FSTL5: variants seen among roughly 807,000 people sequenced by gnomAD.
The protein encoded by FSTL5 is follistatin-related protein 5.
A neutral mutation model predicts 89.1 loss-of-function variants in FSTL5; 62 were observed. The ratio of observed to expected loss-of-function variants is 0.70; its 90% CI spans 0.57 to 0.86. The LOEUF (loss-of-function observed/expected upper bound fraction) is 0.86. FSTL5 is among the 40% of genes least tolerant of loss of function. The pLI, the probability that FSTL5 is intolerant of heterozygous loss-of-function variation, is 0.00. For synonymous variants in FSTL5, 383 were observed against 346.2 expected, an observed-to-expected ratio of 1.11 and a Z score of -1.18; for missense variants, 1,057 against 1,001.6, an observed-to-expected ratio of 1.06 and a Z score of -0.75.
intron 2 of FSTL5, among the ~76,000 whole-genome samples, chr4:162,037,206 G>C (rs1015864626): frequency 1.3e-5 from 2 of 151,798 alleles, no homozygotes; most frequent in African/African-American, 4.8e-5. Context: ...ATAATTGGGG[G>C]CAAAATTTAG....
rs1404739297 is a variant in FSTL5 at position 161,386,005 on chromosome 4, T to C, written c.2286A>G (p.Thr762=). The C allele has an allele frequency of 6.2e-7, 1 of 1,614,072 alleles. No homozygotes were observed. The highest frequency in any genetic ancestry group is 8.5e-7 in the Non-Finnish European group (1 of 1,179,968). Residue 762 remains threonine, a synonymous_variant, in exon 16 of 16, where the codon ACA becomes ACG. Transcript: ENST00000306100. ...HQYNIYGSSS[T]QTDVLFVELS... ...GCTCCACAAAGAGCACATCAGTTTGTGTGCTTGAACTACCGTAGATGTTAT... is the reference window on the plus strand; with the variant it reads ...GCTCCACAAAGAGCACATCAGTTTGCGTGCTTGAACTACCGTAGATGTTAT...
intron 3 of FSTL5, among the ~76,000 whole-genome samples, chr4:161,976,610 T>A (rs561664903): frequency 4.6e-5 from 7 of 152,010 alleles, no homozygotes; most frequent in South Asian, 2.1e-4. Context: ...GCCTCTCGAG[T>A]AGCTGGGACT....
chr4:161,993,070 T>A (rs888350368), intron 3 of FSTL5, among the ~76,000 whole-genome samples: 9 of 150,532 alleles, frequency 6.0e-5, no homozygotes, highest in Non-Finnish European at 1.3e-4. Context: ...TGATGCCTTA[T>A]TTGATATTGA....
chr4:162,154,274 G>T (rs1733382544), intron 1 of FSTL5, among the ~76,000 whole-genome samples: 2 of 151,990 alleles, frequency 1.3e-5, no homozygotes, highest in African/African-American at 4.8e-5. Flanking sequence ...TGTAATTAAT[G>T]TTAGTAAAAA....
At chr4:161,639,361 G>C (rs1465287941) in intron 7 of FSTL5, among the ~76,000 whole-genome samples, 1 of 152,158 alleles carries the variant, frequency 6.6e-6, no homozygotes, top group East Asian at 1.9e-4. Context: ...TTCCCATGGT[G>C]CTTGCTGTTC....
chr4:161,783,931 A>AATG (rs1741788599), intron 4 of FSTL5, among the ~76,000 whole-genome samples: 1 of 147,184 alleles, frequency 6.8e-6, no homozygotes, highest in African/African-American at 2.5e-5. Context: ...ATGCCTGGCT[A>AATG]ATTATTATTA....
At chr4:161,837,222 A>G (rs1191414736) in intron 4 of FSTL5, among the ~76,000 whole-genome samples, 2 of 152,180 alleles carry the variant, frequency 1.3e-5, no homozygotes, top group Non-Finnish European at 2.9e-5. Context: ...AGCACTAAGT[A>G]TGAGATTTGA....
At chr4:161,948,094 T>C (rs1164018623) in intron 3 of FSTL5, among the ~76,000 whole-genome samples, 1 of 151,412 alleles carries the variant, frequency 6.6e-6, no homozygotes, top group African/African-American at 2.4e-5. Context: ...CTGGACAACA[T>C]AGCAAGACCC....
intron 7 of FSTL5, among the ~76,000 whole-genome samples, chr4:161,630,116 T>TTCCCC (rs1357178700): frequency 1.3e-5 from 2 of 152,196 alleles, no homozygotes; most frequent in African/African-American, 4.8e-5. Context: ...TTACTCCTTC[T>TTCCCC]TCCCCTCCCC....
chr4:161,475,435 C>A (rs1734103965), intron 13 of FSTL5, among the ~76,000 whole-genome samples: 1 of 152,002 alleles, frequency 6.6e-6, no homozygotes, highest in Admixed American at 6.6e-5. Context: ...TTGGTTCACT[C>A]CTCTTCAGTT....
chr4:161,596,040 T>G lies in FSTL5; in HGVS notation c.895-8465A>C, dbSNP rs187500823. 2.8e-4 allele frequency among the ~76,000 whole-genome samples: 43 copies of G among 152,078 alleles called. No individual in the cohort carries two copies. The East Asian group carries it at 5.8e-3, about 21-fold the overall frequency. ...TAAAAGCTATTTTCCTAGCTTTTTATGTATACAAAATATATTTTCATAAAA... is the reference window on the plus strand; with the variant it reads ...TAAAAGCTATTTTCCTAGCTTTTTAGGTATACAAAATATATTTTCATAAAA... On this transcript the variant is annotated intron_variant, in intron 7 of 15. Coordinates refer to ENST00000306100, the MANE Select transcript of FSTL5 (RefSeq NM_020116.5).
At chr4:162,008,712 A>T (rs1736679583) in intron 3 of FSTL5, among the ~76,000 whole-genome samples, 1 of 151,910 alleles carries the variant, frequency 6.6e-6, no homozygotes, top group South Asian at 2.1e-4. Flanking sequence ...ACTAGATAAA[A>T]AACTGCTGGG....
chr4:161,529,698 AT>A (rs1211631306), intron 10 of FSTL5, among the ~76,000 whole-genome samples: 1 of 142,140 alleles, frequency 7.0e-6, no homozygotes, highest in Non-Finnish European at 1.5e-5. Context: ...TTCCATAAAT[AT>A]TTGTTTTTAT....
At chr4:161,683,094 A>G in intron 6 of FSTL5, among the ~76,000 whole-genome samples, 1 of 152,198 alleles carries the variant, frequency 6.6e-6, no homozygotes, top group Admixed American at 6.5e-5. Flanking sequence ...AATAAAAATG[A>G]AAAGTATAGT....
In FSTL5 at chr4:162,062,218, A is replaced by G. The variant is rs113367843; in HGVS notation, c.127-28560T>C. Among the ~76,000 whole-genome samples the G allele has an allele frequency of 1.7e-3, 265 of 152,110 alleles. 1 individual carries two copies. The highest frequency in any genetic ancestry group is 6.0e-3 in the African/African-American group (250 of 41,544). On this transcript the variant is annotated intron_variant, in intron 2 of 15. Coordinates refer to ENST00000306100, the MANE Select transcript of FSTL5 (RefSeq NM_020116.5). ...TTATAGATTAATAAAATAAAAACCA[A>G]GTTTGTACCTTATTATGAGTTTACT... is the stretch of plus-strand genomic sequence containing the variant.
At chr4:161,641,117 TACCTGCTC>T (rs1560764905) in intron 7 of FSTL5, among the ~76,000 whole-genome samples, 1 of 152,152 alleles carries the variant, frequency 6.6e-6, no homozygotes, top group Non-Finnish European at 1.5e-5. Flanking sequence ...GGGAATTTGA[TACCTGCTC>T]ACCTGCCCTG....
At chr4:161,562,323 A>G (rs1016588701) in intron 8 of FSTL5, among the ~76,000 whole-genome samples, 3 of 151,864 alleles carry the variant, frequency 2.0e-5, no homozygotes, top group African/African-American at 4.8e-5. Context: ...GATCCTTTGA[A>G]TTTCCTCATA....
At chr4:162,036,691 G>A (rs1419882511) in intron 2 of FSTL5, among the ~76,000 whole-genome samples, 1 of 151,760 alleles carries the variant, frequency 6.6e-6, no homozygotes, top group African/African-American at 2.4e-5. Context: ...AAGAGATCAA[G>A]GAATTATGAA....
At chr4:161,430,304 G>A (rs1392951704) in intron 15 of FSTL5, among the ~76,000 whole-genome samples, 1 of 151,952 alleles carries the variant, frequency 6.6e-6, no homozygotes, top group African/African-American at 2.4e-5. Flanking sequence ...GGTAGAGAGA[G>A]AGAGATACAG....
Sources: allele counts gnomAD v4.1 joint callset (sites outside exome capture counted in the v4.1 genomes callset), GRCh38; gene constraint gnomAD v4.1.1; transcripts MANE v1.5; gene names NCBI Gene and HGNC (gene_info 2026-07-23, HGNC 2026-07-21).